Variants in SYNE1 observed in about 807,000 individuals in gnomAD.
SYNE1 encodes spectrin repeat containing nuclear envelope protein 1, also known as nesprin-1.
Under a neutral mutation model 1,111.0 loss-of-function variants are expected in SYNE1, and 616 were observed. The observed-to-expected ratio is 0.55, with a 90% CI of 0.52 to 0.59. The LOEUF is 0.59. Among genes scored for constraint, SYNE1 ranks in the 20% least tolerant of loss-of-function variants. SYNE1 has a pLI of 0.00. For missense variants in SYNE1, 10,006 were observed against 10,417.0 expected (o/e 0.96, Z 1.72); for synonymous variants, 3,855 against 3,825.8 (o/e 1.01, Z -0.28).
chr6:152,338,247 A>AT (rs747001036), intron 75 of SYNE1, among the ~76,000 whole-genome samples: 8 of 152,280 alleles, frequency 5.3e-5, no homozygotes, highest in Admixed American at 6.5e-5. Context: ...TTATTTTGAC[A>AT]TTTTTTTCCT....
chr6:152,182,433 A>G (rs2068371991), intron 128 of SYNE1, among the ~76,000 whole-genome samples: 1 of 152,222 alleles, frequency 6.6e-6, no homozygotes, highest in Non-Finnish European at 1.5e-5. Flanking sequence ...ATTTTATTAC[A>G]AAACATTTCC....
intron 78 of SYNE1, among the ~76,000 whole-genome samples, chr6:152,328,961 T>A (rs529331137): frequency 3.2e-4 from 49 of 152,286 alleles, no homozygotes; most frequent in African/African-American, 1.1e-3. Flanking sequence ...ATTGGCAAGG[T>A]CAGGGCTGCA....
chr6:152,132,531 G>A (rs1262131639), intron 143 of SYNE1, among the ~76,000 whole-genome samples: 2 of 152,214 alleles, frequency 1.3e-5, no homozygotes, highest in African/African-American at 4.8e-5. Context: ...GCTTGGGAGG[G>A]GAAGACACCT....
At chr6:152,432,070 T>A (rs2098435160) in intron 34 of SYNE1, among the ~76,000 whole-genome samples, 1 of 152,116 alleles carries the variant, frequency 6.6e-6, no homozygotes, top group Admixed American at 6.6e-5. Context: ...AATCACTCAA[T>A]CATATTGTTG....
intron 63 of SYNE1, among the ~76,000 whole-genome samples, chr6:152,363,447 TCG>T (rs2096981652): frequency 6.6e-6 from 1 of 150,702 alleles, no homozygotes; most frequent in Non-Finnish European, 1.5e-5. Context: ...TGAGCCGAGA[TCG>T]TGCCACTGCA....
At chr6:152,155,190 A>G (rs2061162379) in intron 132 of SYNE1, 148 bp from the exon 133 acceptor site, 2 of 809,292 alleles carry the variant, frequency 2.5e-6, no homozygotes, top group Middle Eastern at 2.8e-4. Context: ...AAATTTGACC[A>G]GAGAGCAAGA....
intron 72 of SYNE1, among the ~76,000 whole-genome samples, chr6:152,347,462 A>C (rs2096657282): frequency 6.6e-6 from 1 of 152,186 alleles, no homozygotes; most frequent in Non-Finnish European, 1.5e-5. Context: ...GGAATGATGA[A>C]GTAACCTTTA....
chr6:152,441,997 C>T (rs1186298231), intron 31 of SYNE1, 78 bp downstream of exon 31: 3 of 1,557,118 alleles, frequency 1.9e-6, no homozygotes, highest in African/African-American at 2.7e-5. Flanking sequence ...CAAAGGTTCG[C>T]CTTGGTGTTA....
intron 3 of SYNE1, among the ~76,000 whole-genome samples, chr6:152,613,205 A>T (rs1232106996): frequency 6.6e-6 from 1 of 152,168 alleles, no homozygotes; most frequent in Non-Finnish European, 1.5e-5. Context: ...AGGAAGTCAA[A>T]TTGTCCCTGT....
At chr6:152,332,981 A>G (rs1237749738) in intron 77 of SYNE1, among the ~76,000 whole-genome samples, 1 of 53,802 alleles carries the variant, frequency 1.9e-5, no homozygotes, top group African/African-American at 1.8e-4. Flanking sequence ...ACTAATCCCA[A>G]AGACGAGTAA....
At position 152,329,763 on chromosome 6, in the gene SYNE1, A is replaced by G. The variant is rs757121592; in HGVS notation, c.14922T>C (p.Asp4974=). The change falls in exon 78 of 146, where the codon GAT becomes GAC. Residue 4974 remains aspartate, a synonymous_variant. Coordinates refer to ENST00000367255, the MANE Select transcript of SYNE1 (RefSeq NM_182961.4). ...EHSLAELSEL[D]GDIQEALRTR... is the part of the protein sequence containing the mutation. The stretch of plus-strand genomic sequence containing the variant: ...TGCGTAAGGCTTCCTGGATGTCTCC[A>G]TCCAGCTCTGAGAGCTCAGCGAGGC... 1 of 1,614,206 alleles carries G rather than the reference A, an allele frequency of 6.2e-7. No homozygotes were observed. Among genetic ancestry groups the G allele is most frequent in the South Asian group, 1.1e-5 (1 of 91,086 alleles).
Position 152,132,509 on chromosome 6 carries a change from G to A in SYNE1, c.26002-295C>T, listed in dbSNP as rs149607894. Among the ~76,000 whole-genome samples the A allele has an allele frequency of 5.9e-3, 897 of 152,296 alleles. 7 individuals are homozygous for A. Among genetic ancestry groups the A allele is most frequent in the African/African-American group, 0.02 (835 of 41,568 alleles). On this transcript the variant is annotated intron_variant, in intron 143 of 145. Coordinates refer to ENST00000367255, the MANE Select transcript of SYNE1 (RefSeq NM_182961.4). ...ATTTCTTGGAGACATGGATATGAATGAATTGATATTGGCTTGGGAGGGGAA... is the reference window on the plus strand; with the variant it reads ...ATTTCTTGGAGACATGGATATGAATAAATTGATATTGGCTTGGGAGGGGAA...
intron 3 of SYNE1, among the ~76,000 whole-genome samples, chr6:152,622,579 C>G (rs1437750048): frequency 6.6e-6 from 1 of 152,048 alleles, no homozygotes; most frequent in Non-Finnish European, 1.5e-5. Context: ...CCATCCATGT[C>G]CCTGCAAAAA....
chr6:152,376,967 A>G (rs1258604097), intron 56 of SYNE1, 55 bp from the exon 57 acceptor site: 2 of 1,595,956 alleles, frequency 1.3e-6, no homozygotes, highest in Non-Finnish European at 1.7e-6. Context: ...TGATCTCCAT[A>G]TCTTCACACT....
chr6:152,224,764 C>A, intron 116 of SYNE1, 100 bp from the exon 117 acceptor site: 1 of 1,203,162 alleles, frequency 8.3e-7, no homozygotes, highest in Non-Finnish European at 1.2e-6. Context: ...AGAACTTCAT[C>A]AGGGTTTCAG....
chr6:152,139,713 AAGAAAAAG>A (rs1371306094), intron 140 of SYNE1, among the ~76,000 whole-genome samples: 15 of 43,396 alleles, frequency 3.5e-4, no homozygotes, highest in Admixed American at 6.1e-4. Context: ...AAAGAAAAGA[AAGAAAAAG>A]AAAGAAAGAA....
At chr6:152,445,722 T>TC (rs1422363951) in intron 29 of SYNE1, among the ~76,000 whole-genome samples, 1 of 152,088 alleles carries the variant, frequency 6.6e-6, no homozygotes, top group Non-Finnish European at 1.5e-5. Context: ...CACAGTCTTT[T>TC]TTTTTCTTAC....
At chr6:152,353,512 T>C in intron 68 of SYNE1, 77 bp downstream of exon 68, 1 of 1,613,450 alleles carries the variant, frequency 6.2e-7, no homozygotes, top group South Asian at 1.1e-5. Context: ...GTATCTTCAC[T>C]GGATGTTAGT....
intron 124 of SYNE1, among the ~76,000 whole-genome samples, chr6:152,209,147 T>C (rs915996184): frequency 6.6e-6 from 1 of 152,214 alleles, no homozygotes; most frequent in Non-Finnish European, 1.5e-5. Context: ...ACACTTGCAC[T>C]TCTCTATTAC....
Sources: gnomAD v4.1 joint callset for allele counts (sites outside exome capture counted in the v4.1 genomes callset) on GRCh38, gnomAD v4.1.1 for gene constraint, MANE v1.5 for transcripts, NCBI Gene and HGNC (gene_info 2026-07-23, HGNC 2026-07-21) for gene names.